Variants in NRXN1 observed in about 807,000 individuals in gnomAD.
NRXN1 encodes the protein neurexin 1, also known as neurexin-1.
A neutral mutation model predicts 150.9 loss-of-function variants in NRXN1; 39 were observed. The ratio of observed to expected loss-of-function variants is 0.26; its 90% CI spans 0.20 to 0.34. The LOEUF (loss-of-function observed/expected upper bound fraction) is 0.34. NRXN1 is among the 10% of genes least tolerant of loss of function. The pLI is 1.00. For missense variants in NRXN1, 1,815 were observed against 1,949.9 expected (o/e 0.93, Z 1.30); for synonymous variants, 924 against 757.0 (o/e 1.22, Z -3.62).
intron 5 of NRXN1, among the ~76,000 whole-genome samples, chr2:50,800,298 G>C (rs544929116): frequency 2.5e-4 from 38 of 152,020 alleles, no homozygotes; most frequent in African/African-American, 8.9e-4. Context: ...CACTCTTCCC[G>C]TCTCAAATCA....
intron 5 of NRXN1, among the ~76,000 whole-genome samples, chr2:50,702,308 T>C (rs1471611569): frequency 1.3e-5 from 2 of 151,260 alleles, no homozygotes; most frequent in Admixed American, 6.6e-5. Flanking sequence ...AACCATACTA[T>C]GGGGAAAAAC....
At chr2:50,570,690 C>T (rs1043642141) in intron 8 of NRXN1, among the ~76,000 whole-genome samples, 1 of 152,146 alleles carries the variant, frequency 6.6e-6, no homozygotes, top group South Asian at 2.1e-4. Flanking sequence ...CCCATCCAGA[C>T]TGGAGGAAAA....
intron 8 of NRXN1, among the ~76,000 whole-genome samples, chr2:50,587,110 TG>T (rs1336624943): frequency 6.6e-6 from 1 of 152,426 alleles, no homozygotes; most frequent in Non-Finnish European, 1.5e-5. Flanking sequence ...TTGGTGTGTC[TG>T]GCTGTAACAG....
chr2:50,305,593 A>T (rs1399984216), intron 17 of NRXN1, among the ~76,000 whole-genome samples: 1 of 152,232 alleles, frequency 6.6e-6, no homozygotes, highest in African/African-American at 2.4e-5. Context: ...ATTAATACTA[A>T]ATATCCAATG....
chr2:50,717,102 T>C (rs1012060022), intron 5 of NRXN1, among the ~76,000 whole-genome samples: 5 of 152,198 alleles, frequency 3.3e-5, no homozygotes, highest in African/African-American at 9.6e-5. Flanking sequence ...TTGGAAGCTA[T>C]TTATTTAATT....
chr2:49,921,978 T>G lies in NRXN1; in HGVS notation c.4490A>C (p.Asn1497Thr). 2 of 1,614,162 alleles carry G rather than the reference T, an allele frequency of 1.2e-6. No individual in the cohort carries two copies. Among genetic ancestry groups the G allele is most frequent in the Non-Finnish European group, 8.5e-7 (1 of 1,180,012 alleles). Residue 1497 changes from asparagine (N) to threonine (T), a missense_variant, in exon 23 of 23, where the codon AAT (asparagine) becomes ACT (threonine). Physicochemically the swap from Asn to Thr is moderately conservative, Grantham distance 65 (BLOSUM62 0). This residue lies in a region of NRXN1 where 265 missense variants were observed against 307.1 expected (regional missense o/e 0.86). Coordinates refer to ENST00000401669, the MANE Select transcript of NRXN1 (RefSeq NM_001330078.2). Reference sequence around the variant, plus strand: ...ATACTCTTTATCCTTGTTTTTCTTATTTTTGTTGGAGCTTTTCGCACTGCT... The same window carrying G: ...ATACTCTTTATCCTTGTTTTTCTTAGTTTTGTTGGAGCTTTTCGCACTGCT... The part of the protein sequence containing the change: ...QPSSAKSSNK[N>T]KKNKDKEYYV
chr2:50,836,746 G>A (rs1323223061), intron 5 of NRXN1, among the ~76,000 whole-genome samples: 5 of 150,754 alleles, frequency 3.3e-5, no homozygotes, highest in African/African-American at 1.2e-4. Context: ...TTGCTTCCAT[G>A]TAATCTTGAC....
chr2:51,017,400 A>AT (rs1204056862), intron 2 of NRXN1, among the ~76,000 whole-genome samples: 2 of 150,598 alleles, frequency 1.3e-5, no homozygotes, highest in African/African-American at 2.4e-5. Context: ...CAGTGGCACA[A>AT]TAATAGCCCA....
At chr2:50,588,457 G>T (rs1226865546) in intron 8 of NRXN1, among the ~76,000 whole-genome samples, 1 of 152,124 alleles carries the variant, frequency 6.6e-6, no homozygotes, top group Non-Finnish European at 1.5e-5. Context: ...CATTGTGACA[G>T]TATAGGAAGT....
At chr2:50,336,970 T>C (rs1184824210) in intron 17 of NRXN1, among the ~76,000 whole-genome samples, 2 of 152,116 alleles carry the variant, frequency 1.3e-5, no homozygotes, top group Non-Finnish European at 2.9e-5. Context: ...GGGTCTGTTA[T>C]GAACCACTGG....
At chr2:50,182,205 C>G (rs1297715109) in intron 18 of NRXN1, among the ~76,000 whole-genome samples, 2 of 148,728 alleles carry the variant, frequency 1.3e-5, no homozygotes, top group Non-Finnish European at 3.0e-5. Flanking sequence ...GGCACAAAAT[C>G]TAGAATATGG....
intron 5 of NRXN1, among the ~76,000 whole-genome samples, chr2:50,874,373 C>T (rs530668955): frequency 1.3e-5 from 2 of 151,882 alleles, no homozygotes; most frequent in East Asian, 3.9e-4. Flanking sequence ...CTGACAACCA[C>T]ACTGTTTTAA....
At chr2:50,187,660 T>C (rs2678227) in intron 18 of NRXN1, among the ~76,000 whole-genome samples, 85,688 of 151,862 alleles carry the variant, frequency 0.56, 24,367 homozygotes, top group East Asian at 0.63. Context: ...GGGGATGGCA[T>C]TGAATCTATA....
intron 17 of NRXN1, among the ~76,000 whole-genome samples, chr2:50,250,979 A>T (rs1483565078): frequency 1.3e-5 from 2 of 148,712 alleles, no homozygotes; most frequent in African/African-American, 5.0e-5. Context: ...CACATTGCAT[A>T]TGTAATAAAT....
Position 50,137,499 on chromosome 2 carries a change from G to T in NRXN1, c.3547-46005C>A, listed in dbSNP as rs536315709. ...ATTTAGTCCAAATCTTGTTCTACTT[G>T]ACTGCAACTAGATTTCCCAATAGGG... is the stretch of plus-strand genomic sequence containing the variant. On this transcript the variant is annotated intron_variant, in intron 18 of 22. Transcript: ENST00000401669. Among the ~76,000 whole-genome samples, 31 of 151,968 alleles carry T rather than the reference G, an allele frequency of 2.0e-4. No homozygotes were observed. In the South Asian group the frequency reaches 6.4e-3, roughly 32 times the overall value.
At chr2:50,499,647 T>C (rs947689945) in intron 13 of NRXN1, among the ~76,000 whole-genome samples, 1 of 152,114 alleles carries the variant, frequency 6.6e-6, no homozygotes, top group Non-Finnish European at 1.5e-5. Context: ...CAATGAAGAA[T>C]ATGAGAAGCT....
chr2:50,497,768 C>A (rs1230083707), intron 13 of NRXN1, 54 bp from the exon 14 acceptor site: 6 of 1,495,402 alleles, frequency 4.0e-6, no homozygotes, highest in Non-Finnish European at 4.5e-6. Flanking sequence ...GCACTTTCAA[C>A]TTTAGGCTTT....
intron 5 of NRXN1, among the ~76,000 whole-genome samples, chr2:50,672,765 A>G (rs1336319384): frequency 6.6e-6 from 1 of 152,018 alleles, no homozygotes; most frequent in Non-Finnish European, 1.5e-5. Flanking sequence ...TTATTTTGAA[A>G]TTTATTAAAT....
intron 18 of NRXN1, among the ~76,000 whole-genome samples, chr2:50,196,640 C>T (rs1469866754): frequency 6.6e-6 from 1 of 152,082 alleles, no homozygotes; most frequent in Non-Finnish European, 1.5e-5. Flanking sequence ...CCATAGATAA[C>T]ATATATCTAT....
Sources: gnomAD v4.1 joint callset for allele counts (sites outside exome capture counted in the v4.1 genomes callset) on GRCh38, gnomAD v4.1.1 for gene constraint, gnomAD v4.1.1 regional missense constraint, MANE v1.5 for transcripts, NCBI Gene and HGNC (gene_info 2026-07-23, HGNC 2026-07-21) for gene names.